ULK4: variants seen among roughly 807,000 people sequenced by gnomAD.
ULK4 encodes inactive serine/threonine-protein kinase ULK4.
In ULK4, 133 loss-of-function variants were observed where a neutral mutation model predicts 160.6. The observed-to-expected ratio is 0.83, with a 90% CI of 0.72 to 0.96. ULK4 has a LOEUF of 0.96. Ranked by LOEUF, ULK4 falls within the 40% of genes least tolerant of loss-of-function variation. ULK4 has a pLI of 0.00. For missense variants in ULK4, 1,580 were observed against 1,499.5 expected (o/e 1.05, Z -0.89); for synonymous variants, 534 against 539.8 (o/e 0.99, Z 0.15).
intron 34 of ULK4, among the ~76,000 whole-genome samples, chr3:41,429,135 A>C (rs2082845610): frequency 6.6e-6 from 1 of 152,236 alleles, no homozygotes; most frequent in African/African-American, 2.4e-5. Context: ...TGCAGCCAAC[A>C]AAAATATGAA....
chr3:41,255,287 GC>G (rs1270778314), intron 35 of ULK4, among the ~76,000 whole-genome samples: 7 of 152,182 alleles, frequency 4.6e-5, no homozygotes, highest in Admixed American at 1.3e-4. Flanking sequence ...TTTGAGACCA[GC>G]CTGGCTGACA....
At position 41,803,689 on chromosome 3, in the gene ULK4, T is replaced by A. The variant is rs539026437; in HGVS notation, c.1849-3396A>T. The stretch of plus-strand genomic sequence containing the variant: ...AGTGATGTTCCCCTTCCTGTGTCCA[T>A]GTGTTCTCATTGTTCAATTCCCACC... On this transcript the variant is annotated intron_variant, in intron 19 of 36. Coordinates refer to ENST00000301831, the MANE Select transcript of ULK4 (RefSeq NM_017886.4). Among the ~76,000 whole-genome samples the A allele has an allele frequency of 3.3e-5, 5 of 152,244 alleles. No individual in the cohort carries two copies. In the South Asian group the frequency reaches 1.0e-3, roughly 32 times the overall value.
chr3:41,397,013 G>A (rs906974004), intron 35 of ULK4, among the ~76,000 whole-genome samples: 1 of 152,064 alleles, frequency 6.6e-6, no homozygotes, highest in African/African-American at 2.4e-5. Flanking sequence ...TCAAATTGGT[G>A]CAAGTCATTT....
chr3:41,662,663 G>A (rs1253674476), intron 30 of ULK4, among the ~76,000 whole-genome samples: 1 of 152,150 alleles, frequency 6.6e-6, no homozygotes, highest in Non-Finnish European at 1.5e-5. Context: ...TAGGTCTGGA[G>A]ATGCACTGCA....
intron 20 of ULK4, among the ~76,000 whole-genome samples, chr3:41,798,374 C>G (rs1233408099): frequency 1.3e-5 from 2 of 152,092 alleles, no homozygotes; most frequent in African/African-American, 2.4e-5. Context: ...GATTGTTTAC[C>G]TGTAATTATT....
chr3:41,399,043 T>G (rs1400164563), intron 34 of ULK4, among the ~76,000 whole-genome samples: 4 of 152,166 alleles, frequency 2.6e-5, no homozygotes, highest in Non-Finnish European at 4.4e-5. Context: ...TAATTGTAAC[T>G]TTACCTACTG....
chr3:41,443,282 T>G (rs552669349), intron 34 of ULK4, among the ~76,000 whole-genome samples: 1 of 152,222 alleles, frequency 6.6e-6, no homozygotes, highest in African/African-American at 2.4e-5. Context: ...ACTTCCCACA[T>G]TATCATTTTT....
rs886886869 is a variant in ULK4, at chr3:41,376,992, A to C, written c.3678+21087T>G. Among the ~76,000 whole-genome samples, 13 of 151,368 alleles carry C rather than the reference A, an allele frequency of 8.6e-5. No individual in the cohort carries two copies. In the South Asian group the frequency reaches 1.5e-3, roughly 17 times the overall value. On this transcript the variant is annotated intron_variant, in intron 35 of 36. Coordinates refer to ENST00000301831, the MANE Select transcript of ULK4 (RefSeq NM_017886.4). ...TCAAACTATACTACAAGGCTACAGTAACCAAAACAGCATGGTACTGGTACC... is the reference window on the plus strand; with the variant it reads ...TCAAACTATACTACAAGGCTACAGTCACCAAAACAGCATGGTACTGGTACC...
At position 41,851,376 on chromosome 3, in the gene ULK4, C is replaced by T. The variant is rs557482290; in HGVS notation, c.1657-15405G>A. Among the ~76,000 whole-genome samples, 110 of 152,172 alleles carry T rather than the reference C, an allele frequency of 7.2e-4. 1 individual carries two copies. The highest frequency in any genetic ancestry group is 2.1e-3 in the African/African-American group (86 of 41,520). On this transcript the variant is annotated intron_variant, in intron 17 of 36. Transcript: ENST00000301831. ...TTGGTTCTGTTTATATGCTGGATTA[C>T]GTTGATTGATTTGCGTATGTTGAAC...
At chr3:41,533,739 C>T (rs992252570) in intron 32 of ULK4, among the ~76,000 whole-genome samples, 9 of 152,112 alleles carry the variant, frequency 5.9e-5, no homozygotes, top group Non-Finnish European at 1.2e-4. Flanking sequence ...GTTCGTCAGC[C>T]CCTGCTGTAC....
chr3:41,449,000 C>T lies in ULK4; in HGVS notation c.3492+6497G>A, dbSNP rs752459398. ...TCCTGGTTTCTCGGCTCACTGCAACCTCTGCCTCCTGGTTTCAAGCAATTC... is the reference window on the plus strand; with the variant it reads ...TCCTGGTTTCTCGGCTCACTGCAACTTCTGCCTCCTGGTTTCAAGCAATTC... On this transcript the variant is annotated intron_variant, in intron 34 of 36. Coordinates refer to ENST00000301831, the MANE Select transcript of ULK4 (RefSeq NM_017886.4). Among the ~76,000 whole-genome samples, 82 of 152,266 alleles carry T rather than the reference C, an allele frequency of 5.4e-4. 1 individual carries two copies. Among genetic ancestry groups the T allele is most frequent in the Non-Finnish European group, 2.2e-4 (15 of 68,022 alleles).
rs141156712 is a variant in ULK4 at position 41,679,446 on chromosome 3, T to A, written c.2978+2062A>T. On this transcript the variant is annotated intron_variant, in intron 29 of 36. Transcript: ENST00000301831. ...CTGAAAGGTTTGAAAACATTCCATATCACATCCAAATAAATTGTATACCAT... is the reference window on the plus strand; with the variant it reads ...CTGAAAGGTTTGAAAACATTCCATAACACATCCAAATAAATTGTATACCAT... Among the ~76,000 whole-genome samples the A allele has an allele frequency of 7.9e-5, 12 of 152,334 alleles. No individual in the cohort carries two copies. The East Asian group carries it at 2.3e-3, about 29-fold the overall frequency.
chr3:41,837,860 C>A (rs749257210), intron 17 of ULK4, among the ~76,000 whole-genome samples: 1 of 152,212 alleles, frequency 6.6e-6, no homozygotes, highest in Non-Finnish European at 1.5e-5. Flanking sequence ...TGTGTCCAGC[C>A]AGTTCATTCC....
At chr3:41,258,893 G>C (rs1053852352) in intron 35 of ULK4, among the ~76,000 whole-genome samples, 1 of 151,218 alleles carries the variant, frequency 6.6e-6, no homozygotes, top group Non-Finnish European at 1.5e-5. Flanking sequence ...AAATAATTGG[G>C]AATTTGAGCT....
intron 17 of ULK4, among the ~76,000 whole-genome samples, chr3:41,871,963 A>C (rs1697111125): frequency 6.6e-6 from 1 of 152,190 alleles, no homozygotes; most frequent in Non-Finnish European, 1.5e-5. Context: ...TATATAATAA[A>C]GACTCTGGAT....
At chr3:41,273,470 T>C (rs2079173763) in intron 35 of ULK4, among the ~76,000 whole-genome samples, 1 of 152,184 alleles carries the variant, frequency 6.6e-6, no homozygotes, top group Non-Finnish European at 1.5e-5. Flanking sequence ...TCAGTACTGC[T>C]GAAATACTCA....
intron 29 of ULK4, among the ~76,000 whole-genome samples, chr3:41,673,824 A>G (rs1215391533): frequency 1.3e-5 from 2 of 151,432 alleles, no homozygotes; most frequent in Non-Finnish European, 2.9e-5. Flanking sequence ...ACCAACACAC[A>G]CTCTCCCCTT....
In ULK4 at chr3:41,585,999, C is replaced by T. The variant is rs140077743; in HGVS notation, c.3121-19869G>A. ...ATTAGGATGGCCACTATAAAAAAAA[C>T]ACAAATGGTGAGGACGGGCAGAAAC... On this transcript the variant is annotated intron_variant, in intron 31 of 36. Transcript: ENST00000301831. Among the ~76,000 whole-genome samples, 14 of 152,184 alleles carry T rather than the reference C, an allele frequency of 9.2e-5. No homozygotes were observed. In the East Asian group the frequency reaches 2.5e-3, roughly 27 times the overall value.
At chr3:41,742,382 G>T (rs1339495791) in intron 22 of ULK4, among the ~76,000 whole-genome samples, 1 of 151,852 alleles carries the variant, frequency 6.6e-6, no homozygotes, top group African/African-American at 2.4e-5. Context: ...CAGTATTAAG[G>T]TGTCTGAGTG....
Sources: allele counts gnomAD v4.1 joint callset (sites outside exome capture counted in the v4.1 genomes callset), GRCh38; gene constraint gnomAD v4.1.1; transcripts MANE v1.5; gene names NCBI Gene and HGNC (gene_info 2026-07-23, HGNC 2026-07-21).